The following XRCC4 variants were observed in gnomAD, a reference collection of about 807,000 sequenced individuals.
XRCC4 encodes the protein DNA repair protein XRCC4.
In XRCC4, 28 loss-of-function variants were observed where a neutral mutation model predicts 39.1. The observed-to-expected ratio is 0.72, with a 90% CI of 0.53 to 0.98. The LOEUF (loss-of-function observed/expected upper bound fraction) is 0.98, where lower values mean the gene tolerates loss of function less well. Ranked by LOEUF, XRCC4 falls within the 50% of genes least tolerant of loss-of-function variation. The pLI is 0.00. For synonymous variants in XRCC4, 123 were observed against 126.4 expected, an observed-to-expected ratio of 0.97 and a Z score of 0.18; for missense variants, 350 against 376.4, an observed-to-expected ratio of 0.93 and a Z score of 0.58.
chr5:83,253,977 C>T (rs1313857507), intron 6 of XRCC4, among the ~76,000 whole-genome samples: 1 of 152,088 alleles, frequency 6.6e-6, no homozygotes, highest in Non-Finnish European at 1.5e-5. Context: ...TGAAAAGATT[C>T]CCCATTTTCA....
chr5:83,186,415 C>T (rs935305995), intron 3 of XRCC4, among the ~76,000 whole-genome samples: 7 of 152,164 alleles, frequency 4.6e-5, no homozygotes, highest in African/African-American at 1.2e-4. Context: ...TTTCAGCATT[C>T]CTAAACTTGT....
chr5:83,178,239 A>T (rs1156585821), intron 3 of XRCC4, among the ~76,000 whole-genome samples: 1 of 152,184 alleles, frequency 6.6e-6, no homozygotes, highest in Non-Finnish European at 1.5e-5. Context: ...ACCTTTTGCG[A>T]CATTCAATTG....
chr5:83,196,777 C>A (rs1750968639), intron 4 of XRCC4, among the ~76,000 whole-genome samples: 1 of 151,222 alleles, frequency 6.6e-6, no homozygotes, highest in African/African-American at 2.4e-5. Context: ...TTTTTTAAAT[C>A]TTTTGCTTAA....
intron 3 of XRCC4, among the ~76,000 whole-genome samples, chr5:83,123,030 G>C (rs28745311): frequency 0.36 from 51,345 of 142,336 alleles, 9,433 homozygotes; most frequent in Non-Finnish European, 0.42. Context: ...AGATGTTTGG[G>C]TATTTTTAGG....
intron 6 of XRCC4, among the ~76,000 whole-genome samples, chr5:83,228,907 G>A (rs929911589): frequency 6.6e-6 from 1 of 151,810 alleles, no homozygotes; most frequent in African/African-American, 2.4e-5. Flanking sequence ...TGCTCCTTAC[G>A]ATCCCTGTAT....
In XRCC4 at chr5:83,332,218, C is replaced by T. The variant is rs542905784; in HGVS notation, c.894-20913C>T. Among the ~76,000 whole-genome samples, 23 of 140,388 alleles carry T rather than the reference C, an allele frequency of 1.6e-4. No individual in the cohort carries two copies. The East Asian group carries it at 4.8e-3, about 29-fold the overall frequency. The allele number at this position is 140,388 out of a possible 152,430, so 92.1% of individuals were successfully genotyped here. On this transcript the variant is annotated intron_variant, in intron 7 of 7. Transcript: ENST00000396027. ...AAACTCTTCTTGAATATGAACATTT[C>T]AATCTTCTACACACACACACACACA...
chr5:83,128,221 G>A (rs1747374096), intron 3 of XRCC4, among the ~76,000 whole-genome samples: 1 of 152,074 alleles, frequency 6.6e-6, no homozygotes, highest in Non-Finnish European at 1.5e-5. Context: ...AGAACATGTG[G>A]TGCTTGGTTT....
At chr5:83,079,258 A>G (rs1264691385) in intron 1 of XRCC4, among the ~76,000 whole-genome samples, 1 of 152,260 alleles carries the variant, frequency 6.6e-6, no homozygotes, top group Non-Finnish European at 1.5e-5. Flanking sequence ...AGAAACACAT[A>G]TGCCAATAAA....
intron 7 of XRCC4, among the ~76,000 whole-genome samples, chr5:83,283,706 T>G (rs187166550): frequency 2.6e-5 from 4 of 152,306 alleles, no homozygotes; most frequent in African/African-American, 9.6e-5. Context: ...AGGAAGACAT[T>G]AGAACATGTT....
intron 3 of XRCC4, among the ~76,000 whole-genome samples, chr5:83,162,078 T>G (rs1344636131): frequency 1.3e-5 from 2 of 151,520 alleles, no homozygotes; most frequent in African/African-American, 4.9e-5. Flanking sequence ...GAGGCAGGAG[T>G]GTGGCATGAA....
intron 7 of XRCC4, among the ~76,000 whole-genome samples, chr5:83,313,627 C>T (rs1056629835): frequency 3.9e-5 from 6 of 152,148 alleles, no homozygotes; most frequent in African/African-American, 4.8e-5. Flanking sequence ...GCTCCAGCCA[C>T]GCCAATCTCT....
chr5:83,091,997 C>G (rs1406101967), intron 1 of XRCC4, among the ~76,000 whole-genome samples: 1 of 152,124 alleles, frequency 6.6e-6, no homozygotes, highest in Non-Finnish European at 1.5e-5. Flanking sequence ...CAAAGGTTCC[C>G]TTTTTCTCCA....
At chr5:83,299,115 C>T (rs908464282) in intron 7 of XRCC4, among the ~76,000 whole-genome samples, 1 of 151,910 alleles carries the variant, frequency 6.6e-6, no homozygotes, top group Non-Finnish European at 1.5e-5. Flanking sequence ...AATGAAGTTC[C>T]ACTGGAAGCA....
intron 7 of XRCC4, among the ~76,000 whole-genome samples, chr5:83,298,296 A>G (rs914466015): frequency 3.3e-5 from 5 of 151,368 alleles, no homozygotes; most frequent in African/African-American, 4.8e-5. Context: ...CAGTTGATCA[A>G]ATTTATTACT....
At chr5:83,255,152 G>T (rs1349228301) in intron 6 of XRCC4, among the ~76,000 whole-genome samples, 1 of 151,978 alleles carries the variant, frequency 6.6e-6, no homozygotes, top group East Asian at 1.9e-4. Flanking sequence ...TAATACTTAG[G>T]TACCAAGTAT....
At chr5:83,246,044 C>T (rs1753088249) in intron 6 of XRCC4, among the ~76,000 whole-genome samples, 1 of 151,886 alleles carries the variant, frequency 6.6e-6, no homozygotes, top group African/African-American at 2.4e-5. Flanking sequence ...CTATCATTGT[C>T]CTTTTTCCTA....
At chr5:83,202,432 C>G (rs2112724317) in intron 4 of XRCC4, among the ~76,000 whole-genome samples, 1 of 152,194 alleles carries the variant, frequency 6.6e-6, no homozygotes, top group Non-Finnish European at 1.5e-5. Flanking sequence ...GAATATATTG[C>G]CATATTTTCC....
chr5:83,208,536 GCAAT>G (rs1561405065), intron 6 of XRCC4, among the ~76,000 whole-genome samples: 1 of 151,896 alleles, frequency 6.6e-6, no homozygotes, highest in East Asian at 1.9e-4. Flanking sequence ...TTATGAATAC[GCAAT>G]CAATTTATGG....
chr5:83,221,506 T>C (rs1378474352), intron 6 of XRCC4, among the ~76,000 whole-genome samples: 1 of 152,152 alleles, frequency 6.6e-6, no homozygotes, highest in African/African-American at 2.4e-5. Flanking sequence ...ATTAAAATCC[T>C]GTAGTTGAGT....
Sources: gnomAD v4.1 joint callset for allele counts (sites outside exome capture counted in the v4.1 genomes callset) on GRCh38, gnomAD v4.1.1 for gene constraint, MANE v1.5 for transcripts, NCBI Gene and HGNC (gene_info 2026-07-23, HGNC 2026-07-21) for gene names.